The following AGPAT5 variants were observed in gnomAD, a reference collection of about 807,000 sequenced individuals.
The protein encoded by AGPAT5 is 1-acylglycerol-3-phosphate O-acyltransferase 5.
AGPAT5 carries 46 observed loss-of-function variants against 45.6 expected under a neutral mutation model. The ratio of observed to expected loss-of-function variants is 1.01; its 90% CI spans 0.80 to 1.29. The LOEUF is 1.29. Among genes scored for constraint, AGPAT5 ranks in the 50% most tolerant of loss-of-function variants. AGPAT5 has a pLI of 0.00. For synonymous variants in AGPAT5, 272 were observed against 167.0 expected (o/e 1.63, Z -4.85); for missense variants, 673 against 450.7 (o/e 1.49, Z -4.47).
chr8:6,744,578 T>TGGGATCCTGTGCTTGGTTC (rs1801364274), intron 5 of AGPAT5, among the ~76,000 whole-genome samples: 3 of 152,098 alleles, frequency 2.0e-5, no homozygotes, highest in Admixed American at 2.0e-4. Context: ...GTGCTTGGTC[T>TGGGATCCTGTGCTTGGTTC]GGGATCCTGT....
Position 6,708,749 on chromosome 8 carries a change from C to T in AGPAT5, c.81C>T (p.Thr27=). ...PSVVLLGTAP[T]YVLAWGVWRL... is the part of the protein sequence containing the mutation. The stretch of plus-strand genomic sequence containing the variant: ...TCGTGCTCCTGGGCACGGCGCCCAC[C>T]TACGTGTTGGCCTGGGGGGTCTGGC... Residue 27 remains threonine (T), a synonymous_variant, in exon 1 of 8, where the codon ACC becomes ACT. Transcript: ENST00000285518. 6.2e-7 allele frequency: 1 copy of T among 1,608,484 alleles called. No homozygotes were observed. The highest frequency in any genetic ancestry group is 2.2e-5 in the East Asian group (1 of 44,846).
At chr8:6,740,077 A>G (rs1443464150) in intron 4 of AGPAT5, among the ~76,000 whole-genome samples, 1 of 152,184 alleles carries the variant, frequency 6.6e-6, no homozygotes, top group Non-Finnish European at 1.5e-5. Context: ...TAATAAGTAT[A>G]TAAGAAATAG....
At chr8:6,750,660 T>C (rs915702698) in intron 6 of AGPAT5, among the ~76,000 whole-genome samples, 1 of 151,408 alleles carries the variant, frequency 6.6e-6, no homozygotes, top group Admixed American at 6.6e-5. Context: ...AGAACAACAA[T>C]AGACATTTCA....
chr8:6,711,553 G>A (rs1260924382), intron 1 of AGPAT5, among the ~76,000 whole-genome samples: 1 of 152,102 alleles, frequency 6.6e-6, no homozygotes, highest in African/African-American at 2.4e-5. Flanking sequence ...ATCCAGTTAA[G>A]TCTCTCTACT....
intron 1 of AGPAT5, among the ~76,000 whole-genome samples, chr8:6,713,865 A>T (rs1272961708): frequency 6.6e-6 from 1 of 152,214 alleles, no homozygotes; most frequent in Admixed American, 6.5e-5. Flanking sequence ...CATTGTTCCA[A>T]GTTTCTCAGA....
intron 1 of AGPAT5, among the ~76,000 whole-genome samples, chr8:6,714,417 T>C (rs957752877): frequency 4.6e-5 from 7 of 152,212 alleles, no homozygotes; most frequent in Admixed American, 1.3e-4. Context: ...CTTAACTTAC[T>C]AGACTTATAG....
intron 2 of AGPAT5, among the ~76,000 whole-genome samples, chr8:6,726,107 T>G (rs1800677728): frequency 6.6e-6 from 1 of 152,252 alleles, no homozygotes. Context: ...GACTATTTTA[T>G]CTAATTACAT....
intron 7 of AGPAT5, among the ~76,000 whole-genome samples, chr8:6,756,627 A>G (rs77986225): frequency 1.5e-4 from 20 of 134,356 alleles, no homozygotes; most frequent in Non-Finnish European, 2.6e-4. Flanking sequence ...AAAAAAAAAA[A>G]GGATTTGGGA....
At position 6,759,096 on chromosome 8, in the gene AGPAT5, CG is replaced by C. The variant is rs1235955931; in HGVS notation, c.*1712del. 6.6e-6 allele frequency: 1 copy of C among 152,144 alleles called. No individual in the cohort carries two copies. The highest frequency in any genetic ancestry group is 1.5e-5 in the Non-Finnish European group (1 of 68,044). The allele number at this position is 152,144 out of a possible 1,614,324, so 9.4% of individuals were successfully genotyped here. A position where few individuals can be genotyped will look rare whatever the true frequency, so the allele number is the denominator to read the frequency against. ...CTCAGGATATAGTTGGCCTAATAAT[CG>C]GGGCATGGGTAAAACTTATGAAAAT... is the stretch of plus-strand genomic sequence containing the variant. On this transcript the variant is annotated 3_prime_UTR_variant, in exon 8 of 8. Transcript: ENST00000285518.
chr8:6,755,318 C>G (rs77592079), intron 7 of AGPAT5, 144 bp downstream of exon 7: 3 of 945,696 alleles, frequency 3.2e-6, no homozygotes, highest in African/African-American at 3.5e-5. Context: ...CATGTCTGAT[C>G]GTGTTTTAAA....
At chr8:6,709,029 T>G in intron 1 of AGPAT5, 142 bp downstream of exon 1, 1 of 809,910 alleles carries the variant, frequency 1.2e-6, no homozygotes, top group Non-Finnish European at 2.1e-6. Flanking sequence ...CTCCCCGCCT[T>G]CCTCTCCGCA....
At chr8:6,747,613 A>C in intron 5 of AGPAT5, 57 bp from the exon 6 acceptor site, 1 of 1,456,116 alleles carries the variant, frequency 6.9e-7, no homozygotes, top group South Asian at 1.3e-5. Context: ...GATGTTAAAC[A>C]GTATATTGTG....
At position 6,758,075 on chromosome 8, in the gene AGPAT5, A is replaced by G. The variant is rs1801904493; in HGVS notation, c.*687A>G. On this transcript the variant is annotated 3_prime_UTR_variant, in exon 8 of 8. Coordinates refer to ENST00000285518, the MANE Select transcript of AGPAT5 (RefSeq NM_018361.5). ...GGTATAAAATATGAGAACGAAGTTT[A>G]AAATTGTGACTCTGATTCATTATAG... 6.6e-6 allele frequency: 1 copy of G among 152,254 alleles called. No homozygotes were observed. Among genetic ancestry groups the G allele is most frequent in the Non-Finnish European group, 1.5e-5 (1 of 68,054 alleles). The allele number at this position is 152,254 out of a possible 1,614,324, so 9.4% of individuals were successfully genotyped here. A position where few individuals can be genotyped will look rare whatever the true frequency, so the allele number is the denominator to read the frequency against.
intron 6 of AGPAT5, among the ~76,000 whole-genome samples, chr8:6,753,607 G>A (rs531829613): frequency 7.9e-5 from 12 of 152,100 alleles, no homozygotes; most frequent in Non-Finnish European, 1.5e-4. Context: ...ACAGAGAGGC[G>A]GACAGTTGTC....
intron 6 of AGPAT5, among the ~76,000 whole-genome samples, chr8:6,750,647 T>C (rs1220219646): frequency 1.3e-5 from 2 of 151,764 alleles, no homozygotes; most frequent in Admixed American, 1.3e-4. Flanking sequence ...GAAAAATGGG[T>C]AAAGAACAAC....
chr8:6,726,154 T>C (rs1365059020), intron 2 of AGPAT5, among the ~76,000 whole-genome samples: 1 of 152,184 alleles, frequency 6.6e-6, no homozygotes, highest in Non-Finnish European at 1.5e-5. Flanking sequence ...AGTCAACCAA[T>C]GGTCAATGCT....
chr8:6,733,505 G>T (rs1372605595), intron 4 of AGPAT5, among the ~76,000 whole-genome samples: 1 of 152,088 alleles, frequency 6.6e-6, no homozygotes, highest in South Asian at 2.1e-4. Flanking sequence ...ATCTGTTTTG[G>T]GCATGTGTTG....
At chr8:6,723,544 C>T (rs1255641222) in intron 1 of AGPAT5, among the ~76,000 whole-genome samples, 1 of 152,036 alleles carries the variant, frequency 6.6e-6, no homozygotes, top group Non-Finnish European at 1.5e-5. Context: ...TAAATCAGTG[C>T]ATACTCAATG....
At position 6,747,780 on chromosome 8, in the gene AGPAT5, G is replaced by A. The variant is rs78490448; in HGVS notation, c.697G>A (p.Glu233Lys). The A allele has an allele frequency of 4.3e-6, 7 of 1,614,084 alleles. No homozygotes were observed. The Admixed American group carries it at 5.0e-5, about 12-fold the overall frequency. ...DAIYDVTVVY[E>K]GKDDGGQRRE... ...AATTTATGATGTTACGGTGGTTTAT[G>A]AAGGGAAAGACGATGGAGGGCAGCG... The change falls in exon 6 of 8, where the codon GAA becomes AAA. Residue 233 changes from glutamate (E) to lysine (K), a missense_variant. Transcript: ENST00000285518.
Sources: allele counts gnomAD v4.1 joint callset (sites outside exome capture counted in the v4.1 genomes callset), GRCh38; gene constraint gnomAD v4.1.1; transcripts MANE v1.5; gene names NCBI Gene and HGNC (gene_info 2026-07-23, HGNC 2026-07-21).